Variants in FAM118A observed in about 807,000 individuals in gnomAD.
FAM118A encodes protein FAM118A.
Under a neutral mutation model 38.2 loss-of-function variants are expected in FAM118A, and 25 were observed. That is an observed-to-expected ratio of 0.65 (90% CI 0.48 to 0.91). The LOEUF (loss-of-function observed/expected upper bound fraction) is 0.91, where lower values mean the gene tolerates loss of function less well. FAM118A is among the 40% of genes least tolerant of loss of function. FAM118A has a pLI of 0.00. For synonymous variants in FAM118A, 178 were observed against 184.1 expected, an observed-to-expected ratio of 0.97 and a Z score of 0.27; for missense variants, 425 against 463.3, an observed-to-expected ratio of 0.92 and a Z score of 0.76.
intron 8 of FAM118A, among the ~76,000 whole-genome samples, chr22:45,339,905 G>A (rs1166886656): frequency 6.6e-6 from 1 of 152,148 alleles, no homozygotes; most frequent in Admixed American, 6.5e-5. Context: ...GCCATCACCT[G>A]CACCTGCAGC....
At chr22:45,322,091 C>T in intron 1 of FAM118A, 1 of 1,009,132 alleles carries the variant, frequency 9.9e-7, no homozygotes, top group Non-Finnish European at 1.4e-6. Context: ...CCCACAGAGC[C>T]CATCCTTCAT....
chr22:45,332,118 G>A (rs1569149659), intron 5 of FAM118A, among the ~76,000 whole-genome samples: 1 of 152,234 alleles, frequency 6.6e-6, no homozygotes, highest in Admixed American at 6.5e-5. Flanking sequence ...GGTGGGCGAT[G>A]GGCTGGCCTT....
Position 45,330,686 on chromosome 22 carries a change from G to A in FAM118A, c.606G>A (p.Leu202=). The part of the protein sequence containing the change: ...GLYTDPCGVV[L]DPSGYKDVTQ... ...ACACGGACCCCTGCGGGGTGGTGCT[G>A]GACCCATCGGGGTATAAAGACGTCA... The change falls in exon 5 of 9, where the codon CTG becomes CTA. Residue 202 remains leucine (L), a synonymous_variant. Coordinates refer to ENST00000441876, the MANE Select transcript of FAM118A (RefSeq NM_017911.4). The A allele has an allele frequency of 1.3e-6, 2 of 1,596,282 alleles. No homozygotes were observed. The highest frequency in any genetic ancestry group is 1.8e-5 in the Admixed American group (1 of 55,014).
upstream of FAM118A, chr22:45,309,260 C>T (rs1043448345): frequency 2.0e-5 from 3 of 152,034 alleles, no homozygotes; most frequent in Non-Finnish European, 4.4e-5. Context: ...GGGGAAGACA[C>T]TCACGCACGC....
At position 45,323,366 on chromosome 22, in the gene FAM118A, A is replaced by C. The variant is rs1003436720; in HGVS notation, c.239A>C (p.Lys80Thr). The C allele has an allele frequency of 6.2e-7, 1 of 1,614,190 alleles. No homozygotes were observed. Among genetic ancestry groups the C allele is most frequent in the East Asian group, 2.2e-5 (1 of 44,882 alleles). The stretch of plus-strand genomic sequence containing the variant: ...GGAGACGTCGCCGAGTTCCGGAGGA[A>C]AGTGACAAAGGACCGGGACCTGTTG... ...HPGDVAEFRR[K>T]VTKDRDLLVV... Residue 80 changes from lysine to threonine, a missense_variant, in exon 3 of 9, where the codon AAA becomes ACA. Coordinates refer to ENST00000441876, the MANE Select transcript of FAM118A (RefSeq NM_017911.4).
chr22:45,320,434 C>G (rs1458850467), intron 1 of FAM118A, among the ~76,000 whole-genome samples: 1 of 131,126 alleles, frequency 7.6e-6, no homozygotes, highest in African/African-American at 2.9e-5. Context: ...CCTTCTTCTT[C>G]TTCTTTTTTT....
chr22:45,323,590 T>C (rs2085041392), intron 3 of FAM118A, among the ~76,000 whole-genome samples, 163 bp downstream of exon 3: 1 of 152,112 alleles, frequency 6.6e-6, no homozygotes, highest in Non-Finnish European at 1.5e-5. Flanking sequence ...GTGTCGTCTT[T>C]TAAAATTGAG....
At chr22:45,333,680 A>G (rs1414383806) in intron 6 of FAM118A, among the ~76,000 whole-genome samples, 1 of 150,766 alleles carries the variant, frequency 6.6e-6, no homozygotes, top group South Asian at 2.1e-4. Flanking sequence ...TTTCCAAAAA[A>G]AAAAAAAAAA....
In FAM118A at chr22:45,315,652, G is replaced by A. The variant is rs2084573621; in HGVS notation, c.-10+5469G>A. Among the ~76,000 whole-genome samples the A allele has an allele frequency of 2.0e-5, 3 of 151,692 alleles. No individual in the cohort carries two copies. In the South Asian group the frequency reaches 6.3e-4, roughly 32 times the overall value. On this transcript the variant is annotated intron_variant, in intron 1 of 8. Transcript: ENST00000441876. ...TACCTGGCTGGGGGAAACAGGTTTA[G>A]AGAGGTCTACCTGGCTGGGGGAAAT...
chr22:45,336,346 G>GGCA lies in FAM118A; in HGVS notation c.989_990insGCA (p.Cys330delinsTrpHis). ...CTTTTAGGTAATGCATGCCAGGACTGTGCAAAGAGGAAGTTAGAAGAGAAT... is the reference window on the plus strand; with the variant it reads ...CTTTTAGGTAATGCATGCCAGGACTGGCATGCAAAGAGGAAGTTAGAAGAGAAT... On this transcript the variant is annotated protein_altering_variant, in exon 8 of 9. Coordinates refer to ENST00000441876, the MANE Select transcript of FAM118A (RefSeq NM_017911.4). 1 of 1,613,770 alleles carries GGCA rather than the reference G, an allele frequency of 6.2e-7. No homozygotes were observed. Among genetic ancestry groups the GGCA allele is most frequent in the Non-Finnish European group, 8.5e-7 (1 of 1,179,706 alleles).
intron 1 of FAM118A, among the ~76,000 whole-genome samples, chr22:45,311,352 C>T (rs905601839): frequency 6.6e-6 from 1 of 152,140 alleles, no homozygotes; most frequent in African/African-American, 2.4e-5. Flanking sequence ...GAGAACCCAG[C>T]TTTGCTCCCG....
chr22:45,330,925 C>G lies in FAM118A; in HGVS notation c.651+194C>G, dbSNP rs531627444. 1.5e-4 allele frequency among the ~76,000 whole-genome samples: 23 copies of G among 152,278 alleles called. No homozygotes were observed. In the South Asian group the frequency reaches 4.8e-3, roughly 32 times the overall value. On this transcript the variant is annotated intron_variant, in intron 5 of 8. Transcript: ENST00000441876. ...TCTCTGGGGTCCCGCATGGTGCCTC[C>G]ATGTTGAGTAGATGCTTGGCGAACA...
rs898296619 is a variant in FAM118A, at chr22:45,314,691, G to A, written c.-10+4508G>A. On this transcript the variant is annotated intron_variant, in intron 1 of 8. Coordinates refer to ENST00000441876, the MANE Select transcript of FAM118A (RefSeq NM_017911.4). The stretch of plus-strand genomic sequence containing the variant: ...GTCTTACGTATCCTCTTGAGGTGGG[G>A]TAAAGGCAGGTGGGTCCACAAGCCC... Among the ~76,000 whole-genome samples the A allele has an allele frequency of 2.0e-5, 3 of 152,356 alleles. No individual in the cohort carries two copies. The East Asian group carries it at 5.8e-4, about 29-fold the overall frequency.
chr22:45,321,382 G>A (rs2084868968), intron 1 of FAM118A, among the ~76,000 whole-genome samples: 1 of 151,944 alleles, frequency 6.6e-6, no homozygotes, highest in Admixed American at 6.6e-5. Context: ...GAATTGGGGG[G>A]AAACGCGATT....
chr22:45,316,450 G>A (rs2084609576), intron 1 of FAM118A, among the ~76,000 whole-genome samples: 2 of 152,302 alleles, frequency 1.3e-5, no homozygotes, highest in East Asian at 1.9e-4. Context: ...TGAAGGGAGA[G>A]GAGGATATTA....
chr22:45,323,511 C>T, intron 3 of FAM118A, 84 bp downstream of exon 3: 2 of 1,527,406 alleles, frequency 1.3e-6, no homozygotes, highest in African/African-American at 1.4e-5. Context: ...TTAAACTCTG[C>T]AGGCCTAACT....
chr22:45,325,772 A>G (rs1396502049), intron 3 of FAM118A, among the ~76,000 whole-genome samples: 1 of 152,172 alleles, frequency 6.6e-6, no homozygotes, highest in African/African-American at 2.4e-5. Context: ...ATCCAAGCGG[A>G]CATGAGAATC....
In FAM118A at chr22:45,323,156, C is replaced by A; in HGVS notation, c.48-19C>A. 6.2e-7 allele frequency: 1 copy of A among 1,607,166 alleles called. No homozygotes were observed. The highest frequency in any genetic ancestry group is 8.5e-7 in the Non-Finnish European group (1 of 1,174,728). On this transcript the variant is annotated intron_variant, in intron 2 of 8. Coordinates refer to ENST00000441876, the MANE Select transcript of FAM118A (RefSeq NM_017911.4). ...TTCCGCTTTGACTTTCATTCTCTTG[C>A]TCCCTTCTTTTCAAGTAGAAAGTTT...
intron 8 of FAM118A, among the ~76,000 whole-genome samples, chr22:45,337,579 T>A (rs1311094144): frequency 1.3e-5 from 2 of 152,146 alleles, no homozygotes; most frequent in Non-Finnish European, 2.9e-5. Flanking sequence ...CTCCCTCAGC[T>A]TTCAGAACTG....
Sources: gnomAD v4.1 joint callset for allele counts (sites outside exome capture counted in the v4.1 genomes callset) on GRCh38, gnomAD v4.1.1 for gene constraint, MANE v1.5 for transcripts, NCBI Gene and HGNC (gene_info 2026-07-23, HGNC 2026-07-21) for gene names.